MEGF10: variants seen among roughly 807,000 people sequenced by gnomAD.
MEGF10 encodes the protein multiple EGF like domains 10.
MEGF10 carries 86 observed loss-of-function variants against 147.5 expected under a neutral mutation model. The observed-to-expected ratio is 0.58, with a 90% CI of 0.49 to 0.70. The LOEUF is 0.70. Among genes scored for constraint, MEGF10 ranks in the 30% least tolerant of loss-of-function variants. MEGF10 has a pLI of 0.00. For synonymous variants in MEGF10, 478 were observed against 525.5 expected, an observed-to-expected ratio of 0.91 and a Z score of 1.24; for missense variants, 1,329 against 1,487.3, an observed-to-expected ratio of 0.89 and a Z score of 1.75.
At chr5:127,354,224 T>C (rs1001632154) in intron 4 of MEGF10, among the ~76,000 whole-genome samples, 3 of 152,180 alleles carry the variant, frequency 2.0e-5, no homozygotes, top group African/African-American at 7.2e-5. Flanking sequence ...ACAATGGGTT[T>C]TAAGCCCAAA....
intron 5 of MEGF10, among the ~76,000 whole-genome samples, chr5:127,380,510 T>C (rs1763210097): frequency 6.8e-6 from 1 of 147,174 alleles, no homozygotes; most frequent in African/African-American, 2.6e-5. Flanking sequence ...CATTCTTTTT[T>C]TTCTTTCCTT....
At chr5:127,351,204 C>G (rs1010546497) in intron 4 of MEGF10, among the ~76,000 whole-genome samples, 1 of 151,896 alleles carries the variant, frequency 6.6e-6, no homozygotes, top group Non-Finnish European at 1.5e-5. Context: ...CATACTGAAG[C>G]TATTTTTTTA....
At chr5:127,355,459 C>T (rs1489459039) in intron 4 of MEGF10, among the ~76,000 whole-genome samples, 1 of 152,090 alleles carries the variant, frequency 6.6e-6, no homozygotes, top group Non-Finnish European at 1.5e-5. Flanking sequence ...ACCCATGATG[C>T]CCTCCCTGCC....
intron 5 of MEGF10, among the ~76,000 whole-genome samples, chr5:127,390,417 G>T (rs936089922): frequency 3.9e-5 from 6 of 151,958 alleles, no homozygotes; most frequent in African/African-American, 1.5e-4. Flanking sequence ...AGCCTCCTGA[G>T]TAGCTGAGAC....
At chr5:127,277,016 C>G in the MEGF10 span, among the ~76,000 whole-genome samples, 1 of 152,126 alleles carries the variant, frequency 6.6e-6, no homozygotes, top group Admixed American at 6.6e-5. Flanking sequence ...AGAAGTCAGT[C>G]TGGTGTATTT....
intron 18 of MEGF10, among the ~76,000 whole-genome samples, chr5:127,442,739 G>T (rs1361472432): frequency 6.6e-6 from 1 of 152,182 alleles, no homozygotes; most frequent in Non-Finnish European, 1.5e-5. Flanking sequence ...ACATCATAGA[G>T]GTAAGTATGT....
Position 127,363,869 on chromosome 5 carries a change from A to G in MEGF10, c.320-6041A>G, listed in dbSNP as rs149563460. Among the ~76,000 whole-genome samples, 363 of 152,266 alleles carry G rather than the reference A, an allele frequency of 2.4e-3. 1 individual carries two copies. Among genetic ancestry groups the G allele is most frequent in the African/African-American group, 8.2e-3 (340 of 41,560 alleles). On this transcript the variant is annotated intron_variant, in intron 4 of 24. Coordinates refer to ENST00000503335, the MANE Select transcript of MEGF10 (RefSeq NM_001256545.2). Reference sequence around the variant, plus strand: ...GATCAGCCATTTATGGACATCACACATGTGGACCACTGGTGGCTGTGGGGT... The same window carrying G: ...GATCAGCCATTTATGGACATCACACGTGTGGACCACTGGTGGCTGTGGGGT...
intron 5 of MEGF10, among the ~76,000 whole-genome samples, chr5:127,382,217 G>A (rs1763290834): frequency 6.6e-6 from 1 of 152,162 alleles, no homozygotes; most frequent in Non-Finnish European, 1.5e-5. Context: ...GTGTTCTTGA[G>A]ATGGATAAAA....
At chr5:127,340,957 C>G (rs1165058805) in intron 4 of MEGF10, among the ~76,000 whole-genome samples, 1 of 152,012 alleles carries the variant, frequency 6.6e-6, no homozygotes, top group Non-Finnish European at 1.5e-5. Context: ...GACCTGGGTC[C>G]CAGAAGAGAA....
the MEGF10 span, among the ~76,000 whole-genome samples, chr5:127,253,165 T>C: frequency 8.5e-5 from 13 of 152,116 alleles, 1 homozygote; most frequent in Admixed American, 5.2e-4. Context: ...AAGCATGTGA[T>C]TGTCTAGAGG....
chr5:127,392,272 G>A (rs756476618), intron 5 of MEGF10, among the ~76,000 whole-genome samples: 9 of 152,252 alleles, frequency 5.9e-5, no homozygotes, highest in African/African-American at 2.2e-4. Context: ...AATCAAGTTC[G>A]TGTTGATAAA....
chr5:127,304,495 T>C (rs1759923679), intron 1 of MEGF10, among the ~76,000 whole-genome samples: 1 of 152,170 alleles, frequency 6.6e-6, no homozygotes, highest in South Asian at 2.1e-4. Context: ...TTTTTTTGTT[T>C]ACTATTATTA....
chr5:127,242,909 A>G, the MEGF10 span, among the ~76,000 whole-genome samples: 2 of 152,204 alleles, frequency 1.3e-5, no homozygotes. Context: ...ATTTTTAGCC[A>G]CAAGTATCTA....
At chr5:127,382,126 A>G (rs1157924579) in intron 5 of MEGF10, among the ~76,000 whole-genome samples, 1 of 152,208 alleles carries the variant, frequency 6.6e-6, no homozygotes, top group Non-Finnish European at 1.5e-5. Flanking sequence ...TTCTTTGATC[A>G]AAGTATTTTT....
At chr5:127,342,678 T>G (rs985253699) in intron 4 of MEGF10, among the ~76,000 whole-genome samples, 10 of 152,114 alleles carry the variant, frequency 6.6e-5, no homozygotes, top group African/African-American at 1.9e-4. Context: ...ACTGGCACTA[T>G]CACGCCTGAA....
At chr5:127,440,702 A>G in intron 17 of MEGF10, 37 bp from the exon 18 acceptor site, 2 of 1,607,580 alleles carry the variant, frequency 1.2e-6, no homozygotes, top group Non-Finnish European at 1.7e-6. Flanking sequence ...TCTCTTCAGC[A>G]GCCTCTTGAC....
chr5:127,330,398 C>T (rs936708612), intron 1 of MEGF10, among the ~76,000 whole-genome samples: 6 of 152,294 alleles, frequency 3.9e-5, no homozygotes, highest in South Asian at 2.1e-4. Context: ...CTTTCTCCAG[C>T]TGTCCCCTTT....
chr5:127,440,898 G>T, intron 18 of MEGF10, 31 bp downstream of exon 18: 3 of 1,603,928 alleles, frequency 1.9e-6, no homozygotes, highest in Non-Finnish European at 2.6e-6. Context: ...TCACTGGGTG[G>T]TATTTTTTTC....
At chr5:127,257,126 G>A in the MEGF10 span, among the ~76,000 whole-genome samples, 1 of 152,076 alleles carries the variant, frequency 6.6e-6, no homozygotes, top group Non-Finnish European at 1.5e-5. Flanking sequence ...GTCTTATGCA[G>A]ATAGAGTCTC....
Sources: allele counts gnomAD v4.1 joint callset (sites outside exome capture counted in the v4.1 genomes callset), GRCh38; gene constraint gnomAD v4.1.1; transcripts MANE v1.5; gene names NCBI Gene and HGNC (gene_info 2026-07-23, HGNC 2026-07-21).